Variants in CCDC40 observed in about 807,000 individuals in gnomAD.
The protein encoded by CCDC40 is coiled-coil domain 40 molecular ruler complex subunit.
A neutral mutation model predicts 124.5 loss-of-function variants in CCDC40; 104 were observed. The observed-to-expected ratio is 0.84, with a 90% confidence interval of 0.71 to 0.98. CCDC40 has a LOEUF of 0.98. Ranked by LOEUF, CCDC40 falls within the 50% of genes least tolerant of loss-of-function variation. The probability of loss-of-function intolerance (pLI) is 0.00; values close to 1 mark genes in which losing one functional copy is unlikely to be tolerated. For missense variants in CCDC40, 1,463 were observed against 1,503.9 expected, an observed-to-expected ratio of 0.97 and a Z score of 0.45; for synonymous variants, 580 against 602.9, an observed-to-expected ratio of 0.96 and a Z score of 0.56.
At chr17:80,069,060 C>G (rs2143696003) in intron 10 of CCDC40, among the ~76,000 whole-genome samples, 1 of 152,340 alleles carries the variant, frequency 6.6e-6, no homozygotes, top group East Asian at 1.9e-4. Flanking sequence ...TTTCTCCATT[C>G]CATTCCCCAC....
chr17:80,087,646 A>G lies in CCDC40; in HGVS notation c.2489A>G (p.Glu830Gly). ...EQEKKEQKEI[E>G]HHMKDLDNDL... ...GAGAAGAAGGAGCAGAAGGAGATCG[A>G]GCACCACATGAAGGACCTGGACAAC... Residue 830 changes from glutamate to glycine, a missense_variant, in exon 15 of 20, where the codon GAG becomes GGG. Physicochemically the swap from Glu to Gly is moderately conservative, Grantham distance 98 (BLOSUM62 -2). Coordinates refer to ENST00000397545, the MANE Select transcript of CCDC40 (RefSeq NM_017950.4). This position sits in a 1 kb window ranked among gnomAD's most constrained non-coding sequence, Gnocchi z 4.5. 1 of 1,614,184 alleles carries G rather than the reference A, an allele frequency of 6.2e-7. No individual in the cohort carries two copies. The highest frequency in any genetic ancestry group is 1.1e-5 in the South Asian group (1 of 91,090).
chr17:80,040,606 G>C lies in CCDC40; in HGVS notation c.552+336G>C, dbSNP rs1314577101. ...AGGTGGGAGAATTGCTTGAACCCGA[G>C]AGGCGGAGGCTGCAGTGAGCCAAGA... On this transcript the variant is annotated intron_variant, in intron 3 of 19. Transcript: ENST00000397545. 8.9e-6 allele frequency: 3 copies of C among 338,304 alleles called. No homozygotes were observed. In the East Asian group the frequency reaches 2.2e-4, roughly 25 times the overall value. 21.0% of individuals were successfully genotyped at this position (338,304 alleles called of 1,614,324 possible).
chr17:80,043,708 G>A (rs2037344226), intron 3 of CCDC40, among the ~76,000 whole-genome samples: 2 of 150,572 alleles, frequency 1.3e-5, no homozygotes, highest in South Asian at 2.1e-4. Flanking sequence ...TGTACAAGGG[G>A]GCGTCTTACC....
intron 7 of CCDC40, among the ~76,000 whole-genome samples, chr17:80,057,746 G>T (rs905387088): frequency 1.3e-5 from 2 of 152,076 alleles, no homozygotes; most frequent in African/African-American, 4.8e-5. Flanking sequence ...CGTGGTGGCG[G>T]GCGCCTGTAG....
intron 10 of CCDC40, among the ~76,000 whole-genome samples, chr17:80,081,289 G>C (rs1185680525): frequency 6.6e-6 from 1 of 152,054 alleles, no homozygotes; most frequent in Non-Finnish European, 1.5e-5. Flanking sequence ...AGAGGTTGAG[G>C]CATGAGACTC....
intron 9 of CCDC40, among the ~76,000 whole-genome samples, chr17:80,063,598 A>C (rs770591745): frequency 1.1e-4 from 17 of 152,166 alleles, no homozygotes; most frequent in Non-Finnish European, 2.2e-4. Context: ...CAGCCTCCTT[A>C]GTGAATAACT....
chr17:80,059,518 C>A, intron 9 of CCDC40, among the ~76,000 whole-genome samples: 1 of 150,628 alleles, frequency 6.6e-6, no homozygotes. Flanking sequence ...CTATGAGTCA[C>A]CATCTTCATT....
intron 10 of CCDC40, among the ~76,000 whole-genome samples, chr17:80,071,287 G>C (rs558965353): frequency 2.2e-4 from 34 of 152,282 alleles, no homozygotes; most frequent in African/African-American, 8.2e-4. Context: ...GTCTTGGCCC[G>C]CAGCCACAGC....
chr17:80,076,275 CTTATT>C (rs776374494), intron 10 of CCDC40, among the ~76,000 whole-genome samples: 18 of 152,154 alleles, frequency 1.2e-4, no homozygotes, highest in Non-Finnish European at 2.2e-4. Context: ...AATCCATTGT[CTTATT>C]TTAAGATTGC....
At chr17:80,062,428 A>G (rs1366429046) in intron 9 of CCDC40, among the ~76,000 whole-genome samples, 1 of 150,318 alleles carries the variant, frequency 6.7e-6, no homozygotes, top group African/African-American at 2.4e-5. Flanking sequence ...AGCATTAGGT[A>G]TATCTCCTAA....
chr17:80,091,628 C>T (rs2038726221), intron 17 of CCDC40, among the ~76,000 whole-genome samples: 1 of 145,088 alleles, frequency 6.9e-6, no homozygotes, highest in South Asian at 2.2e-4. Flanking sequence ...TGTTCAAATG[C>T]CAATCATTTC....
At chr17:80,059,107 T>G (rs753752476) in intron 9 of CCDC40, 127 bp downstream of exon 9, 6 of 1,233,606 alleles carry the variant, frequency 4.9e-6, no homozygotes, top group Non-Finnish European at 7.1e-6. Context: ...AGCTTACATC[T>G]GCAAACATCG....
intron 19 of CCDC40, chr17:80,097,620 G>T: frequency 1.7e-6 from 1 of 590,816 alleles, no homozygotes; most frequent in South Asian, 2.1e-5. Flanking sequence ...GTTATGGGCT[G>T]GGCTCATGTT....
At chr17:80,090,837 C>T in intron 17 of CCDC40, 1 of 1,168,090 alleles carries the variant, frequency 8.6e-7, no homozygotes, top group Non-Finnish European at 1.1e-6. Context: ...AATTCCTCTG[C>T]TGAGTTATTT....
At chr17:80,051,938 T>C (rs2037609424) in intron 7 of CCDC40, among the ~76,000 whole-genome samples, 1 of 152,198 alleles carries the variant, frequency 6.6e-6, no homozygotes, top group Non-Finnish European at 1.5e-5. Context: ...TTCCTGGAGA[T>C]TAGGAGAGGG....
At chr17:80,056,536 C>T (rs886431605) in intron 7 of CCDC40, among the ~76,000 whole-genome samples, 1 of 152,008 alleles carries the variant, frequency 6.6e-6, no homozygotes, top group South Asian at 2.1e-4. Context: ...CTGAGGTGAA[C>T]CCAGGAGGTT....
At position 80,081,789 on chromosome 17, in the gene CCDC40, G is replaced by A. The variant is rs2038456173; in HGVS notation, c.1806G>A (p.Leu602=). 4 of 1,613,912 alleles carry A rather than the reference G, an allele frequency of 2.5e-6. No individual in the cohort carries two copies. Among genetic ancestry groups the A allele is most frequent in the Non-Finnish European group, 3.4e-6 (4 of 1,179,990 alleles). Residue 602 remains leucine, a splice_region_variant and synonymous_variant, in exon 11 of 20, where the codon CTG becomes CTA. Coordinates refer to ENST00000397545, the MANE Select transcript of CCDC40 (RefSeq NM_017950.4). The part of the protein sequence containing the change: ...DTEDALSQDQ[L]EQMILTEELQ... ...AGGATGCCCTCAGCCAGGACCAGCT[G>A]GTGAGGCCGGGCCCGCCCCACAGGT...
intron 10 of CCDC40, among the ~76,000 whole-genome samples, chr17:80,080,434 C>A (rs1056577490): frequency 3.3e-5 from 5 of 152,130 alleles, no homozygotes; most frequent in Non-Finnish European, 7.4e-5. Flanking sequence ...TCTGATTATC[C>A]GATATCTGTG....
chr17:80,056,010 A>ATTTTTTT (rs1326886577), intron 7 of CCDC40, among the ~76,000 whole-genome samples: 69 of 13,774 alleles, frequency 5.0e-3, no homozygotes, highest in Admixed American at 0.01. Flanking sequence ...ATATATATAT[A>ATTTTTTT]TATATATTTT....
Sources: gnomAD v4.1 joint callset for allele counts (sites outside exome capture counted in the v4.1 genomes callset) on GRCh38, gnomAD v4.1.1 for gene constraint, Gnocchi (gnomAD v3.1) non-coding constraint, MANE v1.5 for transcripts, NCBI Gene and HGNC (gene_info 2026-07-23, HGNC 2026-07-21) for gene names.